LYZL4: variants seen among roughly 807,000 people sequenced by gnomAD.
LYZL4 encodes lysozyme like 4, also known as lysozyme-like protein 4.
LYZL4 carries 13 observed loss-of-function variants against 17.6 expected under a neutral mutation model. That is an observed-to-expected ratio of 0.74 (90% CI 0.48 to 1.18). The LOEUF is 1.18. LYZL4 is among the 50% of genes most tolerant of loss of function. LYZL4 has a pLI of 0.00. For synonymous variants in LYZL4, 64 were observed against 67.7 expected (o/e 0.95, Z 0.27); for missense variants, 174 against 188.2 (o/e 0.92, Z 0.44).
At chr3:42,391,612 T>C in the LYZL4 span, among the ~76,000 whole-genome samples, 1 of 152,060 alleles carries the variant, frequency 6.6e-6, no homozygotes, top group Non-Finnish European at 1.5e-5. Flanking sequence ...ATAAAGTGGA[T>C]TGAACAGAGA....
the LYZL4 span, among the ~76,000 whole-genome samples, chr3:42,378,509 C>G: frequency 6.6e-6 from 1 of 152,200 alleles, no homozygotes; most frequent in Admixed American, 6.5e-5. Flanking sequence ...TTTTGCTGGT[C>G]TGTCCCCAAG....
At chr3:42,405,334 C>T (rs1423204786) in intron 3 of LYZL4, among the ~76,000 whole-genome samples, 1 of 152,186 alleles carries the variant, frequency 6.6e-6, no homozygotes, top group Non-Finnish European at 1.5e-5. Flanking sequence ...AGGCGTGAGC[C>T]GCCGCGCCTG....
At chr3:42,375,419 C>T in the LYZL4 span, among the ~76,000 whole-genome samples, 170 of 152,308 alleles carry the variant, frequency 1.1e-3, 1 homozygote, top group African/African-American at 4.0e-3. Context: ...CTAAGTTTGC[C>T]CAGTACACTG....
chr3:42,381,694 A>C, the LYZL4 span, among the ~76,000 whole-genome samples: 1 of 152,358 alleles, frequency 6.6e-6, no homozygotes. Context: ...GGAAAGGGTA[A>C]GCAATTTCCT....
chr3:42,396,076 G>GA (rs1393616395), downstream of LYZL4, among the ~76,000 whole-genome samples: 1 of 151,752 alleles, frequency 6.6e-6, no homozygotes, highest in Non-Finnish European at 1.5e-5. Context: ...AAAAAGAAAA[G>GA]AAAAAAAGAA....
intron 4 of LYZL4, among the ~76,000 whole-genome samples, chr3:42,398,011 C>G (rs998491259): frequency 6.6e-6 from 1 of 152,146 alleles, no homozygotes; most frequent in Non-Finnish European, 1.5e-5. Flanking sequence ...TTTCGTCATC[C>G]CACCCCTCAG....
At chr3:42,392,151 C>A (rs1349089806), downstream of LYZL4, among the ~76,000 whole-genome samples, 2 of 152,196 alleles carry the variant, frequency 1.3e-5, no homozygotes, top group African/African-American at 2.4e-5. Flanking sequence ...GCATTACAGG[C>A]ATGAGCCACT....
the LYZL4 span, among the ~76,000 whole-genome samples, chr3:42,385,648 G>A: frequency 6.6e-6 from 1 of 152,174 alleles, no homozygotes; most frequent in South Asian, 2.1e-4. Context: ...GTGGGATTAT[G>A]GGGACCACAA....
At chr3:42,367,699 T>C in the LYZL4 span, among the ~76,000 whole-genome samples, 1 of 152,172 alleles carries the variant, frequency 6.6e-6, no homozygotes, top group Non-Finnish European at 1.5e-5. Context: ...AGGCAGGATA[T>C]GAGGGGCTTT....
chr3:42,397,181 A>G lies in LYZL4; in HGVS notation c.*84T>C. The G allele has an allele frequency of 5.2e-6, 5 of 961,612 alleles. No homozygotes were observed. The highest frequency in any genetic ancestry group is 7.9e-6 in the Non-Finnish European group (5 of 630,142). The allele number at this position is 961,612 out of a possible 1,614,324, so 59.6% of individuals were successfully genotyped here. A position where few individuals can be genotyped will look rare whatever the true frequency, so the allele number is the denominator to read the frequency against. ...AACTCTTAAAGTGGTGAGATCATCA[A>G]AAGGATTGACTGAAGCAGCAAGCAG... On this transcript the variant is annotated 3_prime_UTR_variant, in exon 5 of 5. Coordinates refer to ENST00000287748, the MANE Select transcript of LYZL4 (RefSeq NM_144634.4).
At position 42,402,315 on chromosome 3, in the gene LYZL4, C is replaced by CTTT. The variant is rs201251667; in HGVS notation, c.371+1728_371+1730dup. On this transcript the variant is annotated intron_variant, in intron 4 of 4. Coordinates refer to ENST00000287748, the MANE Select transcript of LYZL4 (RefSeq NM_144634.4). ...AGCAAGGCCCCATTTCTTTTCTTTTCTTTCTTTTTTTTTTTTTGAGATGTC... is the reference window on the plus strand; with the variant it reads ...AGCAAGGCCCCATTTCTTTTCTTTTCTTTTTTCTTTTTTTTTTTTTGAGATGTC... 4.3e-3 allele frequency among the ~76,000 whole-genome samples: 586 copies of CTTT among 136,986 alleles called. 10 individuals carry two copies. Among genetic ancestry groups the CTTT allele is most frequent in the African/African-American group, 0.015 (550 of 35,964 alleles). The allele number at this position is 136,986 out of a possible 152,430, so 89.9% of individuals were successfully genotyped here. A position where few individuals can be genotyped will look rare whatever the true frequency, so the allele number is the denominator to read the frequency against.
the LYZL4 span, among the ~76,000 whole-genome samples, chr3:42,388,870 T>C: frequency 6.6e-6 from 1 of 151,912 alleles, no homozygotes; most frequent in Non-Finnish European, 1.5e-5. Flanking sequence ...TGACTGGGAA[T>C]TGGGGAGGGG....
At chr3:42,385,181 T>C in the LYZL4 span, among the ~76,000 whole-genome samples, 1 of 137,716 alleles carries the variant, frequency 7.3e-6, no homozygotes, top group Non-Finnish European at 1.5e-5. Flanking sequence ...TTTGCCTCTT[T>C]TCAAAAAAAA....
the LYZL4 span, among the ~76,000 whole-genome samples, chr3:42,379,116 A>C: frequency 6.6e-6 from 1 of 152,224 alleles, no homozygotes; most frequent in Non-Finnish European, 1.5e-5. Context: ...TTTGCTCACA[A>C]GTCTGTGATT....
chr3:42,371,416 T>C, the LYZL4 span, among the ~76,000 whole-genome samples: 2 of 152,224 alleles, frequency 1.3e-5, no homozygotes, highest in Non-Finnish European at 2.9e-5. Context: ...GGGTGTACTC[T>C]AAAGGGTTAT....
chr3:42,377,779 G>A, the LYZL4 span, among the ~76,000 whole-genome samples: 3 of 152,074 alleles, frequency 2.0e-5, no homozygotes, highest in Non-Finnish European at 4.4e-5. Flanking sequence ...TACATGGTAA[G>A]GTCCTGTGCA....
At chr3:42,406,453 C>CA (rs565639489) in intron 3 of LYZL4, among the ~76,000 whole-genome samples, 7,351 of 83,282 alleles carry the variant, frequency 0.088, 863 homozygotes, top group Non-Finnish European at 0.14. Context: ...GACTCCGTCT[C>CA]AAAAAAAAAA....
the LYZL4 span, among the ~76,000 whole-genome samples, chr3:42,383,763 T>TAGAAATG: frequency 6.6e-6 from 1 of 150,452 alleles, no homozygotes; most frequent in Non-Finnish European, 1.5e-5. Flanking sequence ...AACATGAAAA[T>TAGAAATG]AGAAATGAAA....
chr3:42,373,574 T>TG, the LYZL4 span, among the ~76,000 whole-genome samples: 1 of 152,100 alleles, frequency 6.6e-6, no homozygotes, highest in Non-Finnish European at 1.5e-5. Flanking sequence ...TGCAGGTCCT[T>TG]GGGGGAGAAC....
Sources: gnomAD v4.1 joint callset for allele counts (sites outside exome capture counted in the v4.1 genomes callset) on GRCh38, gnomAD v4.1.1 for gene constraint, MANE v1.5 for transcripts, NCBI Gene and HGNC (gene_info 2026-07-23, HGNC 2026-07-21) for gene names.